Variants in EFNA2 observed in about 807,000 individuals in gnomAD.
EFNA2 encodes the protein ephrin A2.
A neutral mutation model predicts 19.7 loss-of-function variants in EFNA2; 18 were observed. The observed-to-expected ratio is 0.91, with a 90% CI of 0.63 to 1.35. EFNA2 has a LOEUF of 1.35. Ranked by LOEUF, EFNA2 falls within the 40% of genes most tolerant of loss-of-function variation. The probability of loss-of-function intolerance (pLI) is 0.00; values close to 1 mark genes in which losing one functional copy is unlikely to be tolerated. For missense variants in EFNA2, 303 were observed against 296.0 expected, an observed-to-expected ratio of 1.02 and a Z score of -0.17; for synonymous variants, 187 against 137.8, an observed-to-expected ratio of 1.36 and a Z score of -2.50.
At chr19:1,288,749 A>T (rs1414487935) in intron 1 of EFNA2, among the ~76,000 whole-genome samples, 1 of 150,336 alleles carries the variant, frequency 6.7e-6, no homozygotes, top group Admixed American at 6.6e-5. Context: ...CCCCGCACCC[A>T]CCTCCTTGGG....
rs1405504892 is a variant in EFNA2 at position 1,300,592 on chromosome 19, G to C, written c.*647G>C. Reference sequence around the variant, plus strand: ...GGGGAACACAGCTGCAGCCCACCGCGGACCCCCCTGGTGCTCCAGGTTGGG... The same window carrying C: ...GGGGAACACAGCTGCAGCCCACCGCCGACCCCCCTGGTGCTCCAGGTTGGG... On this transcript the variant is annotated 3_prime_UTR_variant, in exon 4 of 4. Coordinates refer to ENST00000215368, the MANE Select transcript of EFNA2 (RefSeq NM_001405.4). Among the ~76,000 whole-genome samples, 1 of 151,914 alleles carries C rather than the reference G, an allele frequency of 6.6e-6. No homozygotes were observed. The highest frequency in any genetic ancestry group is 2.4e-5 in the African/African-American group (1 of 41,252).
intron 1 of EFNA2, among the ~76,000 whole-genome samples, chr19:1,288,104 C>G (rs185695324): frequency 1.6e-4 from 25 of 152,250 alleles, no homozygotes; most frequent in Non-Finnish European, 1.5e-5. Flanking sequence ...TGGGCAGCAC[C>G]GAGGCTGCCT....
At chr19:1,293,306 C>G (rs1369669085) in intron 1 of EFNA2, among the ~76,000 whole-genome samples, 1 of 152,218 alleles carries the variant, frequency 6.6e-6, no homozygotes, top group Non-Finnish European at 1.5e-5. Context: ...GCAGCTTCTG[C>G]ATCGATCGTG....
intron 3 of EFNA2, among the ~76,000 whole-genome samples, chr19:1,299,314 T>G (rs1881323616): frequency 6.6e-6 from 1 of 151,910 alleles, no homozygotes; most frequent in Admixed American, 6.5e-5. Context: ...ATCCCAGCAC[T>G]TTGGGAGGCT....
rs2081541489 is a variant in EFNA2, at chr19:1,301,171, T to A, written c.*1226T>A. 6.6e-6 allele frequency among the ~76,000 whole-genome samples: 1 copy of A among 150,676 alleles called. No homozygotes were observed. The highest frequency in any genetic ancestry group is 2.4e-5 in the African/African-American group (1 of 41,196). ...CACTTTAATGAAGGAAACAACACAT[T>A]TATACGGATTTCATATTTCTACCCG... On this transcript the variant is annotated 3_prime_UTR_variant, in exon 4 of 4. Transcript: ENST00000215368.
chr19:1,295,689 C>G lies in EFNA2; in HGVS notation c.285C>G (p.Asn95Lys). The G allele has an allele frequency of 6.2e-7, 1 of 1,609,148 alleles. No homozygotes were observed. The highest frequency in any genetic ancestry group is 8.5e-7 in the Non-Finnish European group (1 of 1,178,260). ...AGCACTACGTGCTGTACATGGTCAA[C>G]GGCGAGGGCCACGCCTCCTGCGACC... ...RMEHYVLYMV[N>K]GEGHASCDHR... The change falls in exon 2 of 4, where the codon AAC becomes AAG. Residue 95 changes from asparagine to lysine, a missense_variant. By Grantham distance (94) the Asn-to-Lys change is moderately conservative. Transcript: ENST00000215368. The surrounding 1 kb of genome is among the most constrained non-coding windows in gnomAD (Gnocchi z 5.8).
At position 1,299,965 on chromosome 19, in the gene EFNA2, C is replaced by T. The variant is rs751256050; in HGVS notation, c.*20C>T. 13 of 1,584,430 alleles carry T rather than the reference C, an allele frequency of 8.2e-6. No homozygotes were observed. Among genetic ancestry groups the T allele is most frequent in the Admixed American group, 1.7e-5 (1 of 58,840 alleles). On this transcript the variant is annotated 3_prime_UTR_variant, in exon 4 of 4. Transcript: ENST00000215368. Reference sequence around the variant, plus strand: ...TCCTAGTCCCAGCCCCGCAGGACGCCGACCCTGCCTGGACGGCCCCGCCTG... The same window carrying T: ...TCCTAGTCCCAGCCCCGCAGGACGCTGACCCTGCCTGGACGGCCCCGCCTG...
chr19:1,285,209 C>A (rs982560454), upstream of EFNA2, among the ~76,000 whole-genome samples: 4 of 152,222 alleles, frequency 2.6e-5, no homozygotes, highest in Admixed American at 6.5e-5. This position sits in a 1 kb window ranked among gnomAD's most constrained non-coding sequence, Gnocchi z 4.1. Flanking sequence ...ACAAGCTGTG[C>A]CCCCGGGCAG....
Position 1,294,361 on chromosome 19 carries a change from A to G in EFNA2, c.141-1184A>G, listed in dbSNP as rs1174215866. ...CCGGTCCCTTCCTCGGCTGATCTCT[A>G]TCCTCACAGACGAGGCTGGGTCAGG... On this transcript the variant is annotated intron_variant, in intron 1 of 3. Transcript: ENST00000215368. This position sits in a 1 kb window ranked among gnomAD's most constrained non-coding sequence, Gnocchi z 5.8. Among the ~76,000 whole-genome samples, 8 of 152,134 alleles carry G rather than the reference A, an allele frequency of 5.3e-5. No homozygotes were observed. The highest frequency in any genetic ancestry group is 5.2e-4 in the Admixed American group (8 of 15,272).
In EFNA2 at chr19:1,295,873, G is replaced by GC; in HGVS notation, c.454+17dup. On this transcript the variant is annotated intron_variant, in intron 2 of 3. Transcript: ENST00000215368. This position sits in a 1 kb window ranked among gnomAD's most constrained non-coding sequence, Gnocchi z 5.8. The stretch of plus-strand genomic sequence containing the variant: ...TTACTACATCTGTGAGTGGGGTCGG[G>GC]CCGGGGCTGCCGGGGCCCGAGTGGG... 6.4e-7 allele frequency: 1 copy of GC among 1,558,292 alleles called. No homozygotes were observed. The highest frequency in any genetic ancestry group is 1.2e-5 in the South Asian group (1 of 83,840).
At position 1,294,271 on chromosome 19, in the gene EFNA2, A is replaced by G. The variant is rs1026757120; in HGVS notation, c.141-1274A>G. Reference sequence around the variant, plus strand: ...CGGTTACATGACAGGGGCCCTGGGGACCACAGCCGGGAGATCTAAGGGCTC... The same window carrying G: ...CGGTTACATGACAGGGGCCCTGGGGGCCACAGCCGGGAGATCTAAGGGCTC... On this transcript the variant is annotated intron_variant, in intron 1 of 3. Coordinates refer to ENST00000215368, the MANE Select transcript of EFNA2 (RefSeq NM_001405.4). This position sits in a 1 kb window ranked among gnomAD's most constrained non-coding sequence, Gnocchi z 5.8. Among the ~76,000 whole-genome samples the G allele has an allele frequency of 2.0e-5, 3 of 152,098 alleles. No homozygotes were observed. The highest frequency in any genetic ancestry group is 2.0e-4 in the Admixed American group (3 of 15,274).
Position 1,300,163 on chromosome 19 carries a change from G to A in EFNA2, c.*218G>A, listed in dbSNP as rs992664812. ...GCCGAGAGCCCCCCCCCGGAGGCCC[G>A]AGGGGCCGGGGTGTGGATGCGGACC... On this transcript the variant is annotated 3_prime_UTR_variant, in exon 4 of 4. Transcript: ENST00000215368. 2 of 561,050 alleles carry A rather than the reference G, an allele frequency of 3.6e-6. No individual in the cohort carries two copies. The highest frequency in any genetic ancestry group is 3.8e-5 in the East Asian group (1 of 26,652). 34.8% of individuals were successfully genotyped at this position (561,050 alleles called of 1,614,324 possible).
Position 1,286,103 on chromosome 19 carries a change from C to CGGA in EFNA2, c.-60_-58dup. On this transcript the variant is annotated 5_prime_UTR_variant, in exon 1 of 4. Transcript: ENST00000215368. The surrounding 1 kb of genome is among the most constrained non-coding windows in gnomAD (Gnocchi z 5.6). The stretch of plus-strand genomic sequence containing the variant: ...GCCCGCTCGGCGGCGGCGGCGGCGG[C>CGGA]GGAGGAGGCGGAGAAGGCTGGCAGG... The CGGA allele has an allele frequency of 2.1e-6, 1 of 473,564 alleles. No homozygotes were observed. The highest frequency in any genetic ancestry group is 2.7e-6 in the Non-Finnish European group (1 of 364,836). 29.3% of individuals were successfully genotyped at this position (473,564 alleles called of 1,614,324 possible). A position where few individuals can be genotyped will look rare whatever the true frequency, so the allele number is the denominator to read the frequency against.
intron 1 of EFNA2, among the ~76,000 whole-genome samples, chr19:1,293,324 G>A (rs1200207846): frequency 1.3e-5 from 2 of 152,238 alleles, no homozygotes; most frequent in Non-Finnish European, 1.5e-5. Flanking sequence ...GTGCCCAAGG[G>A]GCCAGCGGGT....
At chr19:1,292,684 C>T (rs1043326342) in intron 1 of EFNA2, among the ~76,000 whole-genome samples, 4 of 152,112 alleles carry the variant, frequency 2.6e-5, no homozygotes, top group African/African-American at 9.7e-5. Flanking sequence ...ATGGGCCACA[C>T]AGGCCTGGAG....
Position 1,296,482 on chromosome 19 carries a change from G to C in EFNA2, c.454+624G>C, listed in dbSNP as rs956686116. On this transcript the variant is annotated intron_variant, in intron 2 of 3. Transcript: ENST00000215368. This position sits in a 1 kb window ranked among gnomAD's most constrained non-coding sequence, Gnocchi z 4.4. ...ACTTGAGGCCAGCGTGGACAACGTA[G>C]GGAGACCTTCTCTCTACAAAAACAT... 6.6e-6 allele frequency among the ~76,000 whole-genome samples: 1 copy of C among 152,120 alleles called. No individual in the cohort carries two copies. Among genetic ancestry groups the C allele is most frequent in the Admixed American group, 6.6e-5 (1 of 15,266 alleles).
At chr19:1,290,827 G>A (rs573281785) in intron 1 of EFNA2, among the ~76,000 whole-genome samples, 135 of 152,330 alleles carry the variant, frequency 8.9e-4, no homozygotes, top group African/African-American at 3.1e-3. Flanking sequence ...TGGAGCCTGC[G>A]GAGGAGCAGA....
Position 1,300,101 on chromosome 19 carries a change from C to T in EFNA2, c.*156C>T, listed in dbSNP as rs1600063206. ...CCGCCCCCGCCGGGCAGGGGCCATC[C>T]ACCCGCCCCAGGACCAGCCCTCAGG... On this transcript the variant is annotated 3_prime_UTR_variant, in exon 4 of 4. Transcript: ENST00000215368. The T allele has an allele frequency of 9.0e-7, 1 of 1,106,586 alleles. No individual in the cohort carries two copies. The highest frequency in any genetic ancestry group is 2.8e-5 in the East Asian group (1 of 35,636). 68.5% of individuals were successfully genotyped at this position (1,106,586 alleles called of 1,614,324 possible).
At position 1,300,760 on chromosome 19, in the gene EFNA2, G is replaced by T. The variant is rs377181622; in HGVS notation, c.*815G>T. On this transcript the variant is annotated 3_prime_UTR_variant, in exon 4 of 4. Transcript: ENST00000215368. The stretch of plus-strand genomic sequence containing the variant: ...CAGCGCCCTTCGGAATCACAGTCCC[G>T]CCGTGTCTTAGAAACTGCTTTGGCC... 2.6e-3 allele frequency among the ~76,000 whole-genome samples: 389 copies of T among 152,136 alleles called. 4 individuals are homozygous for T. Among genetic ancestry groups the T allele is most frequent in the Middle Eastern group, 0.01 (3 of 294 alleles).
Sources: allele counts gnomAD v4.1 joint callset (sites outside exome capture counted in the v4.1 genomes callset), GRCh38; gene constraint gnomAD v4.1.1; non-coding constraint Gnocchi (gnomAD v3.1); transcripts MANE v1.5; gene names NCBI Gene and HGNC (gene_info 2026-07-23, HGNC 2026-07-21).